The following TAF4 variants were observed in gnomAD, a reference collection of about 807,000 sequenced individuals.
The protein encoded by TAF4 is transcription initiation factor TFIID subunit 4.
In TAF4, 9 loss-of-function variants were observed where a neutral mutation model predicts 90.3. The ratio of observed to expected loss-of-function variants is 0.10; its 90% CI spans 0.06 to 0.17. The LOEUF (loss-of-function observed/expected upper bound fraction) is 0.17, where lower values mean the gene tolerates loss of function less well. TAF4 is among the 10% of genes least tolerant of loss of function. The pLI is 1.00. For synonymous variants in TAF4, 818 were observed against 638.9 expected, an observed-to-expected ratio of 1.28 and a Z score of -4.23; for missense variants, 1,351 against 1,370.7, an observed-to-expected ratio of 0.99 and a Z score of 0.23.
rs146300653 is a variant in TAF4 at position 61,992,279 on chromosome 20, C to T, written c.3090+5271G>A. 2.8e-3 allele frequency among the ~76,000 whole-genome samples: 419 copies of T among 152,266 alleles called. 1 individual carries two copies. The highest frequency in any genetic ancestry group is 4.6e-3 in the Non-Finnish European group (311 of 68,016). On this transcript the variant is annotated intron_variant, in intron 14 of 14. Transcript: ENST00000252996. Reference sequence around the variant, plus strand: ...CATAAATACAGCACAAAATACAAAACGGGGCCAAGGGAGAAAGCACATGAA... The same window carrying T: ...CATAAATACAGCACAAAATACAAAATGGGGCCAAGGGAGAAAGCACATGAA...
intron 1 of TAF4, among the ~76,000 whole-genome samples, chr20:62,051,720 A>G (rs2056028688): frequency 6.6e-6 from 1 of 152,096 alleles, no homozygotes; most frequent in Admixed American, 6.5e-5. Flanking sequence ...GGCCCCTGCC[A>G]TGGCACCACT....
At position 62,064,556 on chromosome 20, in the gene TAF4, T is replaced by G; in HGVS notation, c.1255A>C (p.Thr419Pro). The stretch of plus-strand genomic sequence containing the variant: ...AGGGTGGCCCGAATCCCGCTGGTGG[T>G]GGCCGTGGGCGTCCGGGACAGGCTC... ...TQSLSRTPTATTSGIRATLTP... is the reference protein window; with the variant it reads ...TQSLSRTPTAPTSGIRATLTP... The change falls in exon 1 of 15, where the codon ACC (threonine) becomes CCC (proline). Residue 419 changes from threonine to proline, a missense_variant. By Grantham distance (38) the Thr-to-Pro change is conservative. This residue lies in a region of TAF4 where 782 missense variants were observed against 536.6 expected (regional missense o/e 1.46). Transcript: ENST00000252996. The G allele has an allele frequency of 6.6e-7, 1 of 1,519,900 alleles. No individual in the cohort carries two copies. The highest frequency in any genetic ancestry group is 1.4e-5 in the African/African-American group (1 of 70,986). 94.2% of individuals were successfully genotyped at this position (1,519,900 alleles called of 1,614,324 possible).
intron 1 of TAF4, among the ~76,000 whole-genome samples, chr20:62,026,288 G>A (rs916691302): frequency 6.6e-6 from 1 of 152,122 alleles, no homozygotes; most frequent in African/African-American, 2.4e-5. Context: ...CTGACCCCGT[G>A]AGCAACACAG....
rs185892660 is a variant in TAF4 at position 62,016,767 on chromosome 20, A to G, written c.1361-2060T>C. 1.6e-3 allele frequency among the ~76,000 whole-genome samples: 239 copies of G among 152,282 alleles called. 1 individual carries two copies. The highest frequency in any genetic ancestry group is 1.6e-3 in the Non-Finnish European group (107 of 68,032). On this transcript the variant is annotated intron_variant, in intron 1 of 14. Coordinates refer to ENST00000252996, the MANE Select transcript of TAF4 (RefSeq NM_003185.4). ...TCTCCTATTAGTTCTGTCCCTTTAG[A>G]GTACGCTAATACAATGTCCTCAAAC...
chr20:62,018,746 G>A (rs547106640), intron 1 of TAF4, among the ~76,000 whole-genome samples: 8 of 152,380 alleles, frequency 5.3e-5, no homozygotes, highest in South Asian at 2.1e-4. Context: ...CCGGCTCCAC[G>A]CACCCAGCCC....
chr20:61,999,139 T>C, intron 11 of TAF4, 31 bp from the exon 12 acceptor site: 1 of 1,610,554 alleles, frequency 6.2e-7, no homozygotes, highest in Non-Finnish European at 8.5e-7. Flanking sequence ...CTGCTTGTCA[T>C]AAATCTGAGA....
At chr20:62,046,860 G>C (rs1273592976) in intron 1 of TAF4, among the ~76,000 whole-genome samples, 1 of 152,146 alleles carries the variant, frequency 6.6e-6, no homozygotes, top group African/African-American at 2.4e-5. Flanking sequence ...CTAGCCATTT[G>C]TGTACCTTCT....
chr20:61,977,515 C>T (rs1167364934), intron 14 of TAF4, among the ~76,000 whole-genome samples: 1 of 152,228 alleles, frequency 6.6e-6, no homozygotes, highest in Non-Finnish European at 1.5e-5. Context: ...TTCCTCCCCC[C>T]TTCCCCGTTC....
intron 1 of TAF4, among the ~76,000 whole-genome samples, chr20:62,040,760 AG>A (rs1243411078): frequency 6.6e-6 from 1 of 152,262 alleles, no homozygotes; most frequent in Non-Finnish European, 1.5e-5. Context: ...AGAGCCGCTC[AG>A]GAACACAGCC....
At chr20:62,003,695 T>TG in intron 8 of TAF4, 36 bp downstream of exon 8, 1 of 1,543,218 alleles carries the variant, frequency 6.5e-7, no homozygotes, top group Non-Finnish European at 8.7e-7. Context: ...GAGCAGCCCT[T>TG]GGTGTTGAGC....
intron 1 of TAF4, among the ~76,000 whole-genome samples, chr20:62,031,123 C>T (rs1429281920): frequency 6.6e-6 from 1 of 152,216 alleles, no homozygotes; most frequent in Non-Finnish European, 1.5e-5. Context: ...CCCTTATATT[C>T]TCAGCCATTC....
At chr20:61,977,247 A>G (rs2055501602) in intron 14 of TAF4, among the ~76,000 whole-genome samples, 1 of 150,300 alleles carries the variant, frequency 6.7e-6, no homozygotes, top group South Asian at 2.1e-4. Flanking sequence ...CGCGCACCAC[A>G]CACACACGAC....
intron 1 of TAF4, among the ~76,000 whole-genome samples, chr20:62,024,196 G>T (rs887867747): frequency 6.6e-6 from 1 of 152,342 alleles, no homozygotes; most frequent in South Asian, 2.1e-4. Flanking sequence ...ATTCAGTGGT[G>T]AGGACGGGCT....
At chr20:61,979,940 G>C (rs2055528162) in intron 14 of TAF4, among the ~76,000 whole-genome samples, 1 of 152,270 alleles carries the variant, frequency 6.6e-6, no homozygotes, top group Admixed American at 6.5e-5. Flanking sequence ...AACAGAGCCT[G>C]GGACGACAGA....
At chr20:62,024,721 T>C (rs1184078430) in intron 1 of TAF4, among the ~76,000 whole-genome samples, 21 of 151,894 alleles carry the variant, frequency 1.4e-4, no homozygotes, top group Admixed American at 1.4e-3. Flanking sequence ...ATACAAAAAA[T>C]TAGCAGGGCG....
At chr20:62,017,538 T>G (rs1052005610) in intron 1 of TAF4, among the ~76,000 whole-genome samples, 2 of 151,866 alleles carry the variant, frequency 1.3e-5, no homozygotes, top group African/African-American at 4.8e-5. Context: ...TCCCAGCTAC[T>G]TGGGAGGCTG....
Position 62,006,782 on chromosome 20 carries a change from G to A in TAF4, c.1975-24C>T. 2 of 1,457,078 alleles carry A rather than the reference G, an allele frequency of 1.4e-6. No individual in the cohort carries two copies. Among genetic ancestry groups the A allele is most frequent in the Non-Finnish European group, 1.8e-6 (2 of 1,095,830 alleles). 90.3% of individuals were successfully genotyped at this position (1,457,078 alleles called of 1,614,324 possible). On this transcript the variant is annotated intron_variant, in intron 6 of 14. Transcript: ENST00000252996. The surrounding 1 kb of genome is among the most constrained non-coding windows in gnomAD (Gnocchi z 7.0). The stretch of plus-strand genomic sequence containing the variant: ...CTCTGGGTGGAAAGACAGACACGAG[G>A]GGTCAGGCGGCTGCTCATGCGTCGG...
chr20:62,037,822 G>C (rs1748664217), intron 1 of TAF4: 1 of 224,612 alleles, frequency 4.5e-6, no homozygotes, highest in African/African-American at 2.3e-5. Flanking sequence ...TCAGACACTT[G>C]GTGACTTCTC....
At chr20:62,007,259 A>C (rs2055752012) in intron 6 of TAF4, among the ~76,000 whole-genome samples, 1 of 152,206 alleles carries the variant, frequency 6.6e-6, no homozygotes, top group African/African-American at 2.4e-5. Flanking sequence ...CAGTTTTGCA[A>C]ACGCTACCCC....
Sources: gnomAD v4.1 joint callset for allele counts (sites outside exome capture counted in the v4.1 genomes callset) on GRCh38, gnomAD v4.1.1 for gene constraint, gnomAD v4.1.1 regional missense constraint, Gnocchi (gnomAD v3.1) non-coding constraint, MANE v1.5 for transcripts, NCBI Gene and HGNC (gene_info 2026-07-23, HGNC 2026-07-21) for gene names.